The following PKHD1 variants were observed in gnomAD, a reference collection of about 807,000 sequenced individuals.
PKHD1 encodes the protein fibrocystin.
Under a neutral mutation model 412.0 loss-of-function variants are expected in PKHD1, and 291 were observed. That is an observed-to-expected ratio of 0.71 (90% CI 0.64 to 0.78). The LOEUF (loss-of-function observed/expected upper bound fraction) is 0.78, where lower values mean the gene tolerates loss of function less well. Among genes scored for constraint, PKHD1 ranks in the 30% least tolerant of loss-of-function variants. The pLI is 0.00. For synonymous variants in PKHD1, 1,777 were observed against 1,821.5 expected (o/e 0.98, Z 0.62); for missense variants, 4,825 against 4,950.7 (o/e 0.97, Z 0.76).
Position 51,619,207 on chromosome 6 carries a change from C to T in PKHD1, c.12099G>A (p.Gly4033=). 2 of 1,614,268 alleles carry T rather than the reference C, an allele frequency of 1.2e-6. No homozygotes were observed. The highest frequency in any genetic ancestry group is 2.2e-5 in the East Asian group (1 of 44,886). ...CACTTTGCTTACTCAGCCGACTTTG[C>T]CCTGGCAACTGCTGCCTCTCTTGTC... ...DFRQERQQLP[G]QSRLSKQSGS... is the part of the protein sequence containing the mutation. Residue 4033 remains glycine, a synonymous_variant, in exon 67 of 67, where the codon GGG becomes GGA. Transcript: ENST00000371117.
intron 48 of PKHD1, among the ~76,000 whole-genome samples, chr6:51,860,969 AC>A (rs1318504901): frequency 6.6e-6 from 1 of 151,498 alleles, no homozygotes; most frequent in African/African-American, 2.4e-5. Context: ...CCACCACCAC[AC>A]CCAGCTAATT....
intron 60 of PKHD1, among the ~76,000 whole-genome samples, chr6:51,679,133 T>C (rs7750551): frequency 0.13 from 20,036 of 152,128 alleles, 1,876 homozygotes; most frequent in Admixed American, 0.32. Context: ...GACCATTTCC[T>C]GTGTCAGTTC....
chr6:51,918,230 G>A lies in PKHD1; in HGVS notation c.6122-5654C>T, dbSNP rs144846485. ...TTTATATATTTATTTTTAAGTTCTG[G>A]GATACATGCGCAGAACGTGCAGGTT... is the stretch of plus-strand genomic sequence containing the variant. On this transcript the variant is annotated intron_variant, in intron 37 of 66. Transcript: ENST00000371117. Among the ~76,000 whole-genome samples, 10 of 151,492 alleles carry A rather than the reference G, an allele frequency of 6.6e-5. No individual in the cohort carries two copies. In the East Asian group the frequency reaches 2.0e-3, roughly 30 times the overall value.
chr6:51,935,064 T>C (rs918577224), intron 36 of PKHD1, among the ~76,000 whole-genome samples: 3 of 152,206 alleles, frequency 2.0e-5, no homozygotes, highest in Non-Finnish European at 4.4e-5. Flanking sequence ...ACCCGCCACT[T>C]GCATCAAATG....
intron 7 of PKHD1, among the ~76,000 whole-genome samples, chr6:52,073,087 A>G (rs1810865577): frequency 6.6e-6 from 1 of 152,250 alleles, no homozygotes. Flanking sequence ...ACAAATGGAT[A>G]ACAACCAAAT....
chr6:52,069,557 T>C, intron 10 of PKHD1, 30 bp from the exon 11 acceptor site: 1 of 1,567,070 alleles, frequency 6.4e-7, no homozygotes, highest in East Asian at 2.2e-5. Flanking sequence ...CTGTTTTGAA[T>C]GAAAATATCA....
At position 51,707,482 on chromosome 6, in the gene PKHD1, T is replaced by C. The variant is rs139421811; in HGVS notation, c.10156+36903A>G. ...ATCAAGAAATCTTGCTCCCGTACTT[T>C]TACTCTAAGTCTACTGACTTATCCT... On this transcript the variant is annotated intron_variant, in intron 60 of 66. Transcript: ENST00000371117. 2.5e-3 allele frequency among the ~76,000 whole-genome samples: 382 copies of C among 152,268 alleles called. 1 individual carries two copies. The highest frequency in any genetic ancestry group is 8.7e-3 in the African/African-American group (362 of 41,556).
At chr6:52,021,683 G>T (rs1801422866) in intron 33 of PKHD1, among the ~76,000 whole-genome samples, 1 of 152,104 alleles carries the variant, frequency 6.6e-6, no homozygotes, top group African/African-American at 2.4e-5. Flanking sequence ...TTATATACAT[G>T]ATGATAATAG....
rs1770520420 is a variant in PKHD1, at chr6:51,649,085, C to G, written c.11310G>C (p.Gln3770His). Residue 3770 changes from glutamine (Q) to histidine (H), a missense_variant and splice_region_variant, in exon 62 of 67, where the codon CAG (glutamine) becomes CAC (histidine). Transcript: ENST00000371117. Reference protein sequence around the residue: ...VQPQLVFLDEQNRRVESLGPP... With the variant: ...VQPQLVFLDEHNRRVESLGPP... ...AGATTTGTTACCTGTGAAAAGTTACCTGCTCATCCAAAAATACCAATTGTG... is the reference window on the plus strand; with the variant it reads ...AGATTTGTTACCTGTGAAAAGTTACGTGCTCATCCAAAAATACCAATTGTG... 1.2e-6 allele frequency: 2 copies of G among 1,613,396 alleles called. No homozygotes were observed. The highest frequency in any genetic ancestry group is 3.3e-5 in the Admixed American group (2 of 59,994).
At chr6:51,682,120 T>C (rs17667950) in intron 60 of PKHD1, 13,608 of 423,776 alleles carry the variant, frequency 0.032, 281 homozygotes, top group Non-Finnish European at 0.039. Context: ...ATGTCAGTAC[T>C]CTGATGGATG....
Position 52,042,181 on chromosome 6 carries a change from T to C in PKHD1, c.3097+678A>G, listed in dbSNP as rs78612629. On this transcript the variant is annotated intron_variant, in intron 27 of 66. Coordinates refer to ENST00000371117, the MANE Select transcript of PKHD1 (RefSeq NM_138694.4). ...AAACAAGGTGGGGTGGGCCTCATAA[T>C]TCACTCTTCTAGGCAAAATAGGGTC... Among the ~76,000 whole-genome samples, 1,432 of 152,268 alleles carry C rather than the reference T, an allele frequency of 9.4e-3. 22 individuals carry two copies. The highest frequency in any genetic ancestry group is 0.032 in the African/African-American group (1,329 of 41,556).
chr6:51,849,412 C>T (rs1310567759), intron 49 of PKHD1, among the ~76,000 whole-genome samples: 1 of 152,158 alleles, frequency 6.6e-6, no homozygotes, highest in Non-Finnish European at 1.5e-5. Context: ...ACATACCCTG[C>T]AATGGGATTG....
intron 49 of PKHD1, among the ~76,000 whole-genome samples, chr6:51,855,102 G>C (rs1411309551): frequency 6.6e-6 from 1 of 152,184 alleles, no homozygotes; most frequent in Non-Finnish European, 1.5e-5. Context: ...CGTGGAAAAA[G>C]CAGTTTCCCC....
At chr6:51,724,528 C>T (rs865786792) in intron 60 of PKHD1, among the ~76,000 whole-genome samples, 1 of 152,126 alleles carries the variant, frequency 6.6e-6, no homozygotes, top group Admixed American at 6.6e-5. Context: ...AGACTGGAGC[C>T]TTCAGAGGAG....
At position 52,056,740 on chromosome 6, in the gene PKHD1, G is replaced by C. The variant is rs889154402; in HGVS notation, c.1651C>G (p.Pro551Ala). 6.2e-7 allele frequency: 1 copy of C among 1,613,864 alleles called. No homozygotes were observed. The highest frequency in any genetic ancestry group is 1.1e-5 in the South Asian group (1 of 91,068). The change falls in exon 18 of 67, where the codon CCC becomes GCC. Residue 551 changes from proline (P) to alanine (A), a missense_variant. Coordinates refer to ENST00000371117, the MANE Select transcript of PKHD1 (RefSeq NM_138694.4). Reference protein sequence around the residue: ...ELLAVKCKLEPLWSNILLRLG... With the variant: ...ELLAVKCKLEALWSNILLRLG... ...CGGAGAAGGATGTTAGACCAAAGGG[G>C]TTCCAGTTTGCATTTTACTGCAAGT...
intron 52 of PKHD1, among the ~76,000 whole-genome samples, chr6:51,820,912 T>C (rs1221875985): frequency 6.6e-6 from 1 of 152,160 alleles, no homozygotes; most frequent in Non-Finnish European, 1.5e-5. Flanking sequence ...AATTATTTAA[T>C]TTTACATTCC....
chr6:51,768,066 A>G (rs1048198915), intron 55 of PKHD1, among the ~76,000 whole-genome samples: 3 of 152,040 alleles, frequency 2.0e-5, no homozygotes, highest in Non-Finnish European at 2.9e-5. Context: ...TCTGATGGCC[A>G]GTGATGATGA....
chr6:51,987,387 T>G (rs929073163), intron 35 of PKHD1, among the ~76,000 whole-genome samples: 4 of 152,220 alleles, frequency 2.6e-5, no homozygotes, highest in African/African-American at 7.2e-5. Flanking sequence ...CCTTCACTTC[T>G]ATACCCTGTT....
chr6:51,823,086 A>G lies in PKHD1; in HGVS notation c.8302+7775T>C, dbSNP rs571460781. 3.1e-3 allele frequency among the ~76,000 whole-genome samples: 405 copies of G among 132,188 alleles called. 2 individuals carry two copies. The highest frequency in any genetic ancestry group is 0.011 in the African/African-American group (381 of 34,188). 86.7% of individuals were successfully genotyped at this position (132,188 alleles called of 152,430 possible). A position where few individuals can be genotyped will look rare whatever the true frequency, so the allele number is the denominator to read the frequency against. On this transcript the variant is annotated intron_variant, in intron 52 of 66. Coordinates refer to ENST00000371117, the MANE Select transcript of PKHD1 (RefSeq NM_138694.4). ...GGTTAAGTAAGAGAAAGAAGTTGCT[A>G]TAGTAGCAAAAAAAAAAAAAAATTA...
Sources: allele counts gnomAD v4.1 joint callset (sites outside exome capture counted in the v4.1 genomes callset), GRCh38; gene constraint gnomAD v4.1.1; transcripts MANE v1.5; gene names NCBI Gene and HGNC (gene_info 2026-07-23, HGNC 2026-07-21).